The following MACROD1 variants were observed in gnomAD, a reference collection of about 807,000 sequenced individuals.
MACROD1 encodes mono-ADP ribosylhydrolase 1.
Under a neutral mutation model 41.4 loss-of-function variants are expected in MACROD1, and 31 were observed. The observed-to-expected ratio is 0.75, with a 90% CI of 0.56 to 1.01. The LOEUF (loss-of-function observed/expected upper bound fraction) is 1.01, where lower values mean the gene tolerates loss of function less well. Among genes scored for constraint, MACROD1 ranks in the 50% least tolerant of loss-of-function variants. The probability of loss-of-function intolerance (pLI) is 0.00; values close to 1 mark genes in which losing one functional copy is unlikely to be tolerated. For missense variants in MACROD1, 473 were observed against 460.0 expected (o/e 1.03, Z -0.26); for synonymous variants, 252 against 203.4 (o/e 1.24, Z -2.03).
At chr11:64,126,157 T>A (rs1590946275) in intron 3 of MACROD1, among the ~76,000 whole-genome samples, 1 of 152,074 alleles carries the variant, frequency 6.6e-6, no homozygotes, top group Non-Finnish European at 1.5e-5. Flanking sequence ...AGGCTGTTTT[T>A]CCCCAACACA....
chr11:64,043,823 T>A (rs1943534321), intron 3 of MACROD1, among the ~76,000 whole-genome samples: 1 of 151,762 alleles, frequency 6.6e-6, no homozygotes, highest in Non-Finnish European at 1.5e-5. Context: ...TCTTTTTTTT[T>A]TTTTTATGAC....
At chr11:64,076,342 TG>T (rs1444343077) in intron 3 of MACROD1, among the ~76,000 whole-genome samples, 5 of 152,198 alleles carry the variant, frequency 3.3e-5, no homozygotes, top group Admixed American at 6.5e-5. Context: ...GGGACAGGTC[TG>T]GAGTCTCCCT....
chr11:64,081,474 G>A (rs1223548909), intron 3 of MACROD1, among the ~76,000 whole-genome samples: 1 of 152,178 alleles, frequency 6.6e-6, no homozygotes, highest in East Asian at 1.9e-4. Context: ...GTGCCAGCAA[G>A]GGCTCAGGAC....
At chr11:64,028,787 G>A (rs2134360784) in intron 3 of MACROD1, among the ~76,000 whole-genome samples, 1 of 152,284 alleles carries the variant, frequency 6.6e-6, no homozygotes, top group East Asian at 1.9e-4. Context: ...CCTGTGCCCG[G>A]CAGGTAAGTG....
chr11:64,124,416 T>C (rs1312025084), intron 3 of MACROD1, among the ~76,000 whole-genome samples: 16 of 152,246 alleles, frequency 1.1e-4, no homozygotes, highest in Admixed American at 6.5e-4. Context: ...TTTCACTCTG[T>C]GGTTTTAAGC....
chr11:64,118,311 G>A, intron 3 of MACROD1: 6 of 1,533,546 alleles, frequency 3.9e-6, no homozygotes, highest in Non-Finnish European at 5.3e-6. Flanking sequence ...CACCCGGGCT[G>A]CCCCGCCTCA....
chr11:64,152,406 G>C lies in MACROD1; in HGVS notation c.299-13C>G. ...CCCTTCAGAAAGGCTGCAGAGGCAG[G>C]AAGGAGGATCAGGGTGGGGGCAGAG... On this transcript the variant is annotated splice_polypyrimidine_tract_variant and intron_variant, in intron 1 of 10. Coordinates refer to ENST00000255681, the MANE Select transcript of MACROD1 (RefSeq NM_014067.4). 6.2e-7 allele frequency: 1 copy of C among 1,608,586 alleles called. No homozygotes were observed. Among genetic ancestry groups the C allele is most frequent in the Non-Finnish European group, 8.5e-7 (1 of 1,174,894 alleles).
chr11:64,079,113 G>A (rs931260945), intron 3 of MACROD1, among the ~76,000 whole-genome samples: 1 of 152,134 alleles, frequency 6.6e-6, no homozygotes, highest in East Asian at 1.9e-4. Flanking sequence ...TGGTGCAGTG[G>A]GGGGCGGTGG....
At chr11:64,055,124 G>C (rs907595855) in intron 3 of MACROD1, among the ~76,000 whole-genome samples, 2 of 152,160 alleles carry the variant, frequency 1.3e-5, no homozygotes, top group Admixed American at 6.5e-5. Flanking sequence ...TGTGTCCTGA[G>C]AGCAGCCCTG....
intron 3 of MACROD1, among the ~76,000 whole-genome samples, chr11:64,020,717 C>T (rs992268611): frequency 2.0e-5 from 3 of 152,020 alleles, no homozygotes; most frequent in African/African-American, 4.8e-5. Flanking sequence ...GAATCCCCTC[C>T]CAGGTGCCTA....
intron 3 of MACROD1, among the ~76,000 whole-genome samples, chr11:64,062,921 C>A (rs568098810): frequency 6.6e-6 from 1 of 152,234 alleles, no homozygotes; most frequent in Non-Finnish European, 1.5e-5. Context: ...TCATTCCCCA[C>A]AAACACCTGA....
At chr11:64,065,131 G>A (rs1231315445) in intron 3 of MACROD1, among the ~76,000 whole-genome samples, 3 of 152,228 alleles carry the variant, frequency 2.0e-5, no homozygotes, top group Admixed American at 6.5e-5. Flanking sequence ...CGGGCTACAC[G>A]TGGGCCTGGA....
rs1214158227 is a variant in MACROD1 at position 64,001,173 on chromosome 11, G to A, written c.548-830C>T. 1.5e-5 allele frequency: 8 copies of A among 518,402 alleles called. 1 individual carries two copies. Among genetic ancestry groups the A allele is most frequent in the South Asian group, 1.3e-4 (5 of 39,750 alleles). The allele number at this position is 518,402 out of a possible 1,614,324, so 32.1% of individuals were successfully genotyped here. A position where few individuals can be genotyped will look rare whatever the true frequency, so the allele number is the denominator to read the frequency against. ...CGCTCCAGCAGCCCAACCTCGCCAGGGCACCGCGCAGGAGAGGCGCGGCCT... is the reference window on the plus strand; with the variant it reads ...CGCTCCAGCAGCCCAACCTCGCCAGAGCACCGCGCAGGAGAGGCGCGGCCT... On this transcript the variant is annotated intron_variant, in intron 4 of 10. Transcript: ENST00000255681.
intron 3 of MACROD1, among the ~76,000 whole-genome samples, chr11:64,060,814 C>T (rs1236038567): frequency 6.6e-6 from 1 of 152,234 alleles, no homozygotes; most frequent in Admixed American, 6.5e-5. Context: ...AGTCCTGCAG[C>T]CCCCGGGTCG....
At chr11:64,002,573 G>A (rs1284682075) in intron 4 of MACROD1, among the ~76,000 whole-genome samples, 2 of 152,136 alleles carry the variant, frequency 1.3e-5, no homozygotes, top group Non-Finnish European at 2.9e-5. Flanking sequence ...ACCCCAACAA[G>A]CTAGAGTGCA....
At chr11:64,053,389 G>GC (rs748537303) in intron 3 of MACROD1, among the ~76,000 whole-genome samples, 2 of 152,224 alleles carry the variant, frequency 1.3e-5, no homozygotes, top group Non-Finnish European at 2.9e-5. Flanking sequence ...ACAGCCCATG[G>GC]TTTCCTGCAG....
chr11:64,077,951 C>A (rs1206350144), intron 3 of MACROD1, among the ~76,000 whole-genome samples: 1 of 152,212 alleles, frequency 6.6e-6, no homozygotes, highest in Non-Finnish European at 1.5e-5. Flanking sequence ...CCCTGATGGG[C>A]CCGTGCTCAG....
chr11:64,101,750 C>T (rs1260224136), intron 3 of MACROD1, among the ~76,000 whole-genome samples: 2 of 152,220 alleles, frequency 1.3e-5, no homozygotes, highest in South Asian at 2.1e-4. Context: ...TAAGCCCCAC[C>T]GTACCCCTTC....
At chr11:64,157,900 CAAG>C (rs1390605074) in intron 1 of MACROD1, among the ~76,000 whole-genome samples, 1 of 152,120 alleles carries the variant, frequency 6.6e-6, no homozygotes, top group African/African-American at 2.4e-5. Flanking sequence ...CACCGGCCCG[CAAG>C]AACAGGGTCT....
Sources: allele counts gnomAD v4.1 joint callset (sites outside exome capture counted in the v4.1 genomes callset), GRCh38; gene constraint gnomAD v4.1.1; transcripts MANE v1.5; gene names NCBI Gene and HGNC (gene_info 2026-07-23, HGNC 2026-07-21).